The following PREX2 variants were observed in gnomAD, a reference collection of about 807,000 sequenced individuals.
PREX2 encodes the protein phosphatidylinositol 3,4,5-trisphosphate-dependent Rac exchanger 2 protein.
Under a neutral mutation model 203.2 loss-of-function variants are expected in PREX2, and 107 were observed. The observed-to-expected ratio is 0.53, with a 90% CI of 0.45 to 0.62. The LOEUF (loss-of-function observed/expected upper bound fraction) is 0.62. PREX2 is among the 20% of genes least tolerant of loss of function. The pLI is 0.00. For synonymous variants in PREX2, 672 were observed against 663.6 expected (o/e 1.01, Z -0.19); for missense variants, 1,777 against 1,955.9 (o/e 0.91, Z 1.72).
rs934970332 is a variant in PREX2, at chr8:68,052,962, C to T, written c.944-135C>T. 1.3e-5 allele frequency: 9 copies of T among 700,208 alleles called. No individual in the cohort carries two copies. The Admixed American group carries it at 2.5e-4, about 20-fold the overall frequency. The allele number at this position is 700,208 out of a possible 1,614,324, so 43.4% of individuals were successfully genotyped here. A position where few individuals can be genotyped will look rare whatever the true frequency, so the allele number is the denominator to read the frequency against. On this transcript the variant is annotated intron_variant, in intron 8 of 39. Transcript: ENST00000288368. ...AAAGTTTTTAAATGTTTATGTTTTT[C>T]AATATACATATGTAAAGCAAAGAGA...
Position 68,157,355 on chromosome 8 carries a change from A to G in PREX2, c.4265A>G (p.Asp1422Gly). 1 of 1,611,688 alleles carries G rather than the reference A, an allele frequency of 6.2e-7. No individual in the cohort carries two copies. Among genetic ancestry groups the G allele is most frequent in the Non-Finnish European group, 8.5e-7 (1 of 1,178,066 alleles). ...AGCATGGAAGGATATTATTACAGAG[A>G]CAATGTTTCTGTGGAAGAATTTCAA... ...LESMEGYYYRDNVSVEEFQAQ... is the reference protein window; with the variant it reads ...LESMEGYYYRGNVSVEEFQAQ... The change falls in exon 35 of 40, where the codon GAC becomes GGC. Residue 1422 changes from aspartate (D) to glycine (G), a missense_variant. Physicochemically the swap from Asp to Gly is moderately conservative, Grantham distance 94. Coordinates refer to ENST00000288368, the MANE Select transcript of PREX2 (RefSeq NM_024870.4).
At chr8:68,093,834 G>A (rs1269959720) in intron 21 of PREX2, 112 bp downstream of exon 21, 4 of 524,354 alleles carry the variant, frequency 7.6e-6, no homozygotes, top group African/African-American at 3.8e-5. Context: ...TTCTTAAGTC[G>A]TTATCACCAA....
chr8:68,156,982 A>G (rs1206979005), intron 34 of PREX2, among the ~76,000 whole-genome samples: 2 of 152,154 alleles, frequency 1.3e-5, no homozygotes, highest in Non-Finnish European at 2.9e-5. Context: ...CCTTATGCCA[A>G]TGAGGCATAT....
chr8:68,092,772 T>G (rs1285316242), intron 20 of PREX2, among the ~76,000 whole-genome samples: 1 of 152,202 alleles, frequency 6.6e-6, no homozygotes, highest in African/African-American at 2.4e-5. Context: ...TGTACAATTA[T>G]AGATAATTGA....
chr8:68,089,653 A>G (rs993595571), intron 19 of PREX2, among the ~76,000 whole-genome samples: 10 of 152,206 alleles, frequency 6.6e-5, no homozygotes, highest in Admixed American at 2.0e-4. Context: ...AAAGCCACTT[A>G]ACATTTCTAG....
At chr8:68,018,611 T>C (rs1009853194) in intron 2 of PREX2, among the ~76,000 whole-genome samples, 16 of 152,162 alleles carry the variant, frequency 1.1e-4, no homozygotes, top group Admixed American at 2.0e-4. Flanking sequence ...CCAGTCTCTG[T>C]GATCACTGAA....
At chr8:67,981,697 A>G (rs1188954506) in intron 1 of PREX2, among the ~76,000 whole-genome samples, 3 of 152,236 alleles carry the variant, frequency 2.0e-5, no homozygotes, top group Non-Finnish European at 4.4e-5. Flanking sequence ...TAACACCACT[A>G]GAAGACATCT....
intron 25 of PREX2, among the ~76,000 whole-genome samples, chr8:68,115,491 TG>T (rs1378135473): frequency 1.3e-5 from 2 of 152,242 alleles, no homozygotes; most frequent in Admixed American, 1.3e-4. Context: ...ATCACAGCTT[TG>T]TTTTAGCTAT....
Position 68,038,225 on chromosome 8 carries a change from G to A in PREX2, c.772G>A (p.Gly258Arg). Residue 258 changes from glycine (G) to arginine (R), a missense_variant, in exon 7 of 40, where the codon GGA becomes AGA. By Grantham distance (125) the Gly-to-Arg change is moderately radical (BLOSUM62 -2). Coordinates refer to ENST00000288368, the MANE Select transcript of PREX2 (RefSeq NM_024870.4). ...TGGAGTCTTACTGAAAATTTCTTCT[G>A]GAAATATTCAAGAACGGGTGTTTTT... Reference protein sequence around the residue: ...MCGVLLKISSGNIQERVFFLF... With the variant: ...MCGVLLKISSRNIQERVFFLF... 5 of 1,613,186 alleles carry A rather than the reference G, an allele frequency of 3.1e-6. No homozygotes were observed. The highest frequency in any genetic ancestry group is 3.4e-6 in the Non-Finnish European group (4 of 1,179,230).
At chr8:68,150,859 C>G (rs1338035163) in intron 34 of PREX2, among the ~76,000 whole-genome samples, 1 of 152,142 alleles carries the variant, frequency 6.6e-6, no homozygotes, top group Admixed American at 6.5e-5. Context: ...AGTTGGAAAT[C>G]AGGATGTTGT....
At chr8:68,013,095 T>C (rs1389348658) in intron 1 of PREX2, among the ~76,000 whole-genome samples, 1 of 152,222 alleles carries the variant, frequency 6.6e-6, no homozygotes, top group Non-Finnish European at 1.5e-5. Flanking sequence ...CAGAAGTTTA[T>C]TGAGCACTTA....
At chr8:68,195,970 T>C (rs1812386523) in intron 37 of PREX2, among the ~76,000 whole-genome samples, 1 of 152,226 alleles carries the variant, frequency 6.6e-6, no homozygotes, top group African/African-American at 2.4e-5. Flanking sequence ...AATGCCAATC[T>C]GAATCAGATG....
intron 35 of PREX2, among the ~76,000 whole-genome samples, chr8:68,191,095 A>G (rs137944743): frequency 9.5e-4 from 144 of 152,264 alleles, no homozygotes; most frequent in Admixed American, 4.2e-3. Flanking sequence ...TTAGGCCACT[A>G]GGATTCCACT....
intron 30 of PREX2, among the ~76,000 whole-genome samples, chr8:68,126,586 ATTCTGTCT>A (rs1024187790): frequency 4.1e-4 from 62 of 152,176 alleles, no homozygotes; most frequent in African/African-American, 1.4e-3. Flanking sequence ...TTTTCAGTCA[ATTCTGTCT>A]TTCTGACTCT....
chr8:67,956,239 A>T (rs1403637213), intron 1 of PREX2, among the ~76,000 whole-genome samples: 1 of 152,238 alleles, frequency 6.6e-6, no homozygotes, highest in Non-Finnish European at 1.5e-5. Context: ...GGACAATAGT[A>T]AGTTACAACC....
chr8:67,979,902 T>C (rs1806216652), intron 1 of PREX2, among the ~76,000 whole-genome samples: 1 of 152,160 alleles, frequency 6.6e-6, no homozygotes, highest in Non-Finnish European at 1.5e-5. Context: ...ACCTAACTCT[T>C]CCCTGGAGGA....
chr8:67,991,640 C>T (rs1194014007), intron 1 of PREX2, among the ~76,000 whole-genome samples: 2 of 152,174 alleles, frequency 1.3e-5, no homozygotes, highest in African/African-American at 4.8e-5. Flanking sequence ...TCAATTACCT[C>T]CACCTGGTCT....
chr8:68,207,488 T>C (rs1445994477), intron 37 of PREX2, among the ~76,000 whole-genome samples: 1 of 152,170 alleles, frequency 6.6e-6, no homozygotes, highest in Non-Finnish European at 1.5e-5. Context: ...AATAAGTATG[T>C]ATTGAATGCT....
chr8:68,052,453 T>A (rs1428017069), intron 8 of PREX2, among the ~76,000 whole-genome samples: 1 of 152,220 alleles, frequency 6.6e-6, no homozygotes, highest in African/African-American at 2.4e-5. Flanking sequence ...GACAATTAAA[T>A]GTCAATTTAT....
Sources: gnomAD v4.1 joint callset for allele counts (sites outside exome capture counted in the v4.1 genomes callset) on GRCh38, gnomAD v4.1.1 for gene constraint, MANE v1.5 for transcripts, NCBI Gene and HGNC (gene_info 2026-07-23, HGNC 2026-07-21) for gene names.